The following HPSE2 variants were observed in gnomAD, a reference collection of about 807,000 sequenced individuals.
The protein encoded by HPSE2 is inactive heparanase-2.
Under a neutral mutation model 60.5 loss-of-function variants are expected in HPSE2, and 38 were observed. The ratio of observed to expected loss-of-function variants is 0.63; its 90% CI spans 0.48 to 0.82. HPSE2 has a LOEUF of 0.82. HPSE2 is among the 40% of genes least tolerant of loss of function. The probability of loss-of-function intolerance (pLI) is 0.00; values close to 1 mark genes in which losing one functional copy is unlikely to be tolerated. For missense variants in HPSE2, 713 were observed against 740.4 expected (o/e 0.96, Z 0.43); for synonymous variants, 295 against 293.2 (o/e 1.01, Z -0.06).
intron 5 of HPSE2, among the ~76,000 whole-genome samples, chr10:98,702,505 G>A (rs928578672): frequency 2.7e-5 from 4 of 150,936 alleles, no homozygotes; most frequent in Non-Finnish European, 5.9e-5. Context: ...CAACCACATG[G>A]CACTTATTCT....
At chr10:99,313,714 C>T in the HPSE2 span, among the ~76,000 whole-genome samples, 1 of 148,246 alleles carries the variant, frequency 6.7e-6, no homozygotes, top group East Asian at 2.0e-4. Context: ...ATTCTCCTGC[C>T]TCAGCCTCCT....
chr10:99,206,855 T>C (rs977305437), intron 2 of HPSE2, among the ~76,000 whole-genome samples: 2 of 151,758 alleles, frequency 1.3e-5, no homozygotes, highest in Non-Finnish European at 1.5e-5. Context: ...TATTTTGAAA[T>C]ATATAACCAG....
At chr10:99,187,373 G>A (rs1024885907) in intron 2 of HPSE2, among the ~76,000 whole-genome samples, 5 of 152,038 alleles carry the variant, frequency 3.3e-5, no homozygotes, top group African/African-American at 1.2e-4. Flanking sequence ...GACATAAAAA[G>A]CACAAATTAC....
chr10:98,991,601 C>G (rs1186822606), intron 3 of HPSE2, among the ~76,000 whole-genome samples: 1 of 152,026 alleles, frequency 6.6e-6, no homozygotes, highest in Non-Finnish European at 1.5e-5. Flanking sequence ...TGAGAAGCCA[C>G]TAACAGGTTT....
intron 3 of HPSE2, chr10:99,013,015 A>G (rs1957052502): frequency 2.7e-6 from 1 of 367,430 alleles, no homozygotes; most frequent in African/African-American, 2.2e-5. Flanking sequence ...GATTATAAAT[A>G]TATCTAAATC....
chr10:98,600,827 T>C (rs1945380803), intron 9 of HPSE2, among the ~76,000 whole-genome samples: 1 of 146,768 alleles, frequency 6.8e-6, no homozygotes, highest in African/African-American at 2.5e-5. Context: ...TGTGTAGATA[T>C]ACACAAAGAT....
intron 3 of HPSE2, among the ~76,000 whole-genome samples, chr10:99,042,245 C>T (rs1281964769): frequency 6.6e-6 from 1 of 152,098 alleles, no homozygotes; most frequent in African/African-American, 2.4e-5. Flanking sequence ...GGAGAAGAGG[C>T]CAGACTGTGT....
intron 9 of HPSE2, among the ~76,000 whole-genome samples, chr10:98,512,228 C>T (rs549877138): frequency 1.3e-5 from 2 of 152,358 alleles, no homozygotes; most frequent in East Asian, 3.9e-4. Context: ...ATTTCCCTTG[C>T]TGCCCCTCTA....
chr10:98,963,674 CT>C (rs1218820120), intron 3 of HPSE2, among the ~76,000 whole-genome samples: 4 of 152,074 alleles, frequency 2.6e-5, no homozygotes, highest in Non-Finnish European at 5.9e-5. Flanking sequence ...CCCTTCCAAA[CT>C]TTTTCCAAGT....
chr10:99,181,075 T>C (rs1053806853), intron 2 of HPSE2, among the ~76,000 whole-genome samples: 8 of 151,956 alleles, frequency 5.3e-5, no homozygotes, highest in African/African-American at 1.9e-4. Context: ...ACTGGATATA[T>C]ACCCAAAGGA....
rs369575622 is a variant in HPSE2, at chr10:98,895,811, C to A, written c.611-151755G>T. ...GGACATGGATGAAATTGGAAATCAT[C>A]ATTCTCAGTAAACTATCACAAGGAC... On this transcript the variant is annotated intron_variant, in intron 3 of 11. Transcript: ENST00000370552. 5.3e-5 allele frequency among the ~76,000 whole-genome samples: 8 copies of A among 150,434 alleles called. No homozygotes were observed. The South Asian group carries it at 1.5e-3, about 28-fold the overall frequency.
At chr10:98,663,544 G>A (rs528715436) in intron 6 of HPSE2, among the ~76,000 whole-genome samples, 1 of 152,152 alleles carries the variant, frequency 6.6e-6, no homozygotes, top group Non-Finnish European at 1.5e-5. Context: ...AGGGGACACA[G>A]GAAGAACAGA....
At chr10:99,093,026 G>A (rs140571600) in intron 3 of HPSE2, among the ~76,000 whole-genome samples, 1 of 152,124 alleles carries the variant, frequency 6.6e-6, no homozygotes, top group Non-Finnish European at 1.5e-5. Context: ...TCAGGAGTTT[G>A]AGACCAGCCT....
At chr10:98,772,751 GGA>G in intron 3 of HPSE2, among the ~76,000 whole-genome samples, 1 of 152,260 alleles carries the variant, frequency 6.6e-6, no homozygotes. Context: ...TGAAAAATAA[GGA>G]GAAAGATTTT....
the HPSE2 span, among the ~76,000 whole-genome samples, chr10:99,294,325 T>C: frequency 6.8e-6 from 1 of 147,830 alleles, no homozygotes; most frequent in African/African-American, 2.5e-5. Flanking sequence ...GCTATATGTT[T>C]ATGTATTTAT....
chr10:98,887,555 T>C (rs1953201267), intron 3 of HPSE2, among the ~76,000 whole-genome samples: 1 of 151,988 alleles, frequency 6.6e-6, no homozygotes, highest in Non-Finnish European at 1.5e-5. Context: ...ATCCGAGGTG[T>C]AGGGGAGTTC....
the HPSE2 span, among the ~76,000 whole-genome samples, chr10:99,288,748 C>CG: frequency 1.3e-5 from 1 of 75,806 alleles, no homozygotes; most frequent in African/African-American, 6.0e-5. Context: ...CAGCCTCAAG[C>CG]AAAAAAAAAA....
At chr10:98,981,676 A>G (rs568118516) in intron 3 of HPSE2, among the ~76,000 whole-genome samples, 3 of 152,202 alleles carry the variant, frequency 2.0e-5, no homozygotes, top group East Asian at 1.9e-4. Context: ...TTCTTGTCCA[A>G]TTGATCACCT....
chr10:99,028,734 A>G (rs547668194), intron 3 of HPSE2, among the ~76,000 whole-genome samples: 9 of 152,248 alleles, frequency 5.9e-5, no homozygotes, highest in Non-Finnish European at 1.2e-4. Context: ...ACTGCAAATT[A>G]TACTACAGTG....
Sources: allele counts gnomAD v4.1 joint callset (sites outside exome capture counted in the v4.1 genomes callset), GRCh38; gene constraint gnomAD v4.1.1; transcripts MANE v1.5; gene names NCBI Gene and HGNC (gene_info 2026-07-23, HGNC 2026-07-21).